The following PRKDC variants were observed in gnomAD, a reference collection of about 807,000 sequenced individuals.
PRKDC encodes the protein DNA-dependent protein kinase catalytic subunit.
A neutral mutation model predicts 486.9 loss-of-function variants in PRKDC; 82 were observed. The observed-to-expected ratio is 0.17, with a 90% confidence interval of 0.14 to 0.20. The LOEUF (loss-of-function observed/expected upper bound fraction) is 0.20. Among genes scored for constraint, PRKDC ranks in the 10% least tolerant of loss-of-function variants. The pLI, the probability that PRKDC is intolerant of heterozygous loss-of-function variation, is 1.00. For synonymous variants in PRKDC, 1,895 were observed against 1,837.0 expected, an observed-to-expected ratio of 1.03 and a Z score of -0.81; for missense variants, 4,504 against 5,038.2, an observed-to-expected ratio of 0.89 and a Z score of 3.21.
At chr8:47,894,985 A>C (rs915926768) in intron 30 of PRKDC, among the ~76,000 whole-genome samples, 3 of 152,154 alleles carry the variant, frequency 2.0e-5, no homozygotes, top group African/African-American at 7.2e-5. Context: ...CTGGGGCAGG[A>C]GGATCACTTA....
chr8:47,950,004 C>T (rs933366313), intron 7 of PRKDC, among the ~76,000 whole-genome samples: 2 of 152,202 alleles, frequency 1.3e-5, no homozygotes, highest in African/African-American at 4.8e-5. Flanking sequence ...GGGGTGGTGG[C>T]TCATGCCTTG....
At chr8:47,887,201 G>A (rs1236989266) in intron 35 of PRKDC, among the ~76,000 whole-genome samples, 3 of 152,082 alleles carry the variant, frequency 2.0e-5, no homozygotes, top group Non-Finnish European at 4.4e-5. Context: ...TTATCCTTCA[G>A]AGGCCCTCCC....
intron 40 of PRKDC, among the ~76,000 whole-genome samples, chr8:47,871,107 A>C (rs2154501015): frequency 6.6e-6 from 1 of 152,344 alleles, no homozygotes; most frequent in East Asian, 1.9e-4. Flanking sequence ...TCAAAAGGGC[A>C]AATCAAAGAC....
In PRKDC at chr8:47,882,711, G is replaced by A. The variant is rs1450927877; in HGVS notation, c.4777-614C>T. 1.3e-4 allele frequency among the ~76,000 whole-genome samples: 20 copies of A among 152,320 alleles called. 1 individual carries two copies. Among genetic ancestry groups the A allele is most frequent in the Middle Eastern group, 6.8e-3 (2 of 294 alleles). Reference sequence around the variant, plus strand: ...CCACCACTCCTGCAACAGAGTGACAGGCTAATTTTGGTCAGATTAACATGC... The same window carrying A: ...CCACCACTCCTGCAACAGAGTGACAAGCTAATTTTGGTCAGATTAACATGC... On this transcript the variant is annotated intron_variant, in intron 36 of 85. Coordinates refer to ENST00000314191, the MANE Select transcript of PRKDC (RefSeq NM_006904.7).
chr8:47,832,890 G>C (rs1015788783), intron 59 of PRKDC, among the ~76,000 whole-genome samples: 19 of 152,218 alleles, frequency 1.2e-4, no homozygotes, highest in Admixed American at 1.0e-3. Flanking sequence ...AGAAGATCCC[G>C]AGAGCATCCA....
chr8:47,782,721 CA>C lies in PRKDC; in HGVS notation c.11176-124del. 9.2e-7 allele frequency: 1 copy of C among 1,082,020 alleles called. No individual in the cohort carries two copies. The highest frequency in any genetic ancestry group is 2.4e-5 in the Admixed American group (1 of 42,302). 67.0% of individuals were successfully genotyped at this position (1,082,020 alleles called of 1,614,324 possible). ...GCCCTCTGAAGACAGTGCCAAAGAG[CA>C]GAGCGCCCAGGCCAGCAACGAATTT... is the stretch of plus-strand genomic sequence containing the variant. On this transcript the variant is annotated intron_variant, in intron 78 of 85. Coordinates refer to ENST00000314191, the MANE Select transcript of PRKDC (RefSeq NM_006904.7). The surrounding 1 kb of genome is among the most constrained non-coding windows in gnomAD (Gnocchi z 4.9).
intron 40 of PRKDC, among the ~76,000 whole-genome samples, chr8:47,873,694 GT>G (rs1412059331): frequency 6.6e-6 from 1 of 152,186 alleles, no homozygotes; most frequent in Non-Finnish European, 1.5e-5. Context: ...ATGAGATACT[GT>G]CATTTGGAAA....
At chr8:47,917,926 C>T (rs1276865253) in intron 22 of PRKDC, among the ~76,000 whole-genome samples, 2 of 152,148 alleles carry the variant, frequency 1.3e-5, no homozygotes, top group African/African-American at 4.8e-5. Context: ...CTCACTACAG[C>T]CTCAACTTCC....
At chr8:47,876,717 C>T (rs2089099379) in intron 40 of PRKDC, among the ~76,000 whole-genome samples, 2 of 151,486 alleles carry the variant, frequency 1.3e-5, no homozygotes, top group South Asian at 2.1e-4. Context: ...TGTATTTTTG[C>T]TAAAATACTA....
chr8:47,959,865 T>C (rs1275667008), intron 1 of PRKDC, 108 bp downstream of exon 1: 2 of 1,460,086 alleles, frequency 1.4e-6, no homozygotes, highest in Admixed American at 4.8e-5. Context: ...CTAATTGCTG[T>C]ACTTCAAAAT....
rs1398727824 is a variant in PRKDC at position 47,866,155 on chromosome 8, G to A, written c.5364-1392C>T. 1.3e-4 allele frequency among the ~76,000 whole-genome samples: 10 copies of A among 75,898 alleles called. 1 individual carries two copies. The highest frequency in any genetic ancestry group is 9.7e-4 in the Admixed American group (5 of 5,134). 49.8% of individuals were successfully genotyped at this position (75,898 alleles called of 152,430 possible). The stretch of plus-strand genomic sequence containing the variant: ...TGGGCAACAATAGAGAAACTCCGTC[G>A]CAAAAAAAAAAAAAAAAAAAAAAAG... On this transcript the variant is annotated intron_variant, in intron 40 of 85. Coordinates refer to ENST00000314191, the MANE Select transcript of PRKDC (RefSeq NM_006904.7).
At position 47,863,426 on chromosome 8, in the gene PRKDC, C is replaced by A. The variant is rs755827857; in HGVS notation, c.5723G>T (p.Gly1908Val). ...QVFHGSCITE[G>V]NELTKTLIKL... ...AATCAATGTCTTTGTAAGTTCATTTCCTTCTGTAATACACGAGCCATGGAA... is the reference window on the plus strand; with the variant it reads ...AATCAATGTCTTTGTAAGTTCATTTACTTCTGTAATACACGAGCCATGGAA... Residue 1908 changes from glycine (G) to valine (V), a missense_variant, in exon 42 of 86, where the codon GGA (glycine) becomes GTA (valine). By Grantham distance (109) the Gly-to-Val change is moderately radical (BLOSUM62 -3). Around this residue, in one of 6 missense-constraint regions of PRKDC, gnomAD observed 80 missense variants for 132.3 expected, o/e 0.60. Transcript: ENST00000314191. The A allele has an allele frequency of 6.2e-7, 1 of 1,607,946 alleles. No individual in the cohort carries two copies. The highest frequency in any genetic ancestry group is 2.2e-5 in the East Asian group (1 of 44,700).
intron 73 of PRKDC, among the ~76,000 whole-genome samples, chr8:47,796,636 G>T (rs1350132973): frequency 6.6e-6 from 1 of 150,802 alleles, no homozygotes; most frequent in Non-Finnish European, 1.5e-5. Context: ...GTCTTGCTCT[G>T]TCGTCTAGGC....
At chr8:47,831,997 T>G (rs2087892005) in intron 59 of PRKDC, 71 bp from the exon 60 acceptor site, 1 of 1,392,620 alleles carries the variant, frequency 7.2e-7, no homozygotes, top group African/African-American at 1.4e-5. Flanking sequence ...CATTTTCACC[T>G]CGGGTTTCCT....
At chr8:47,938,159 C>A (rs2090385533) in intron 11 of PRKDC, among the ~76,000 whole-genome samples, 1 of 151,838 alleles carries the variant, frequency 6.6e-6, no homozygotes. Context: ...GTAATCCCAG[C>A]ACTTTGGGAG....
intron 7 of PRKDC, among the ~76,000 whole-genome samples, chr8:47,946,274 T>C (rs1339508682): frequency 1.3e-5 from 2 of 152,032 alleles, no homozygotes; most frequent in Admixed American, 6.5e-5. Flanking sequence ...GAGGCTGCAG[T>C]GAGCCAAGAT....
At chr8:47,774,503 T>C (rs554344929) in intron 85 of PRKDC, 126 bp from the exon 86 acceptor site, 962 of 928,422 alleles carry the variant, frequency 1.0e-3, no homozygotes, top group Non-Finnish European at 1.5e-3. Context: ...CTGTGGCTTA[T>C]AACCTTGAAG....
rs188599445 is a variant in PRKDC at position 47,783,977 on chromosome 8, G to T, written c.11108-168C>A. 7 of 681,266 alleles carry T rather than the reference G, an allele frequency of 1.0e-5. 1 individual carries two copies. The highest frequency in any genetic ancestry group is 1.8e-5 in the South Asian group (1 of 54,788). The allele number at this position is 681,266 out of a possible 1,614,324, so 42.2% of individuals were successfully genotyped here. ...GACTTTAAAAAAAATGTTATTTCTC[G>T]GCCGGGCACAGTGGCTCACGCCTGT... On this transcript the variant is annotated intron_variant, in intron 77 of 85. Coordinates refer to ENST00000314191, the MANE Select transcript of PRKDC (RefSeq NM_006904.7).
At position 47,864,749 on chromosome 8, in the gene PRKDC, G is replaced by A; in HGVS notation, c.5378C>T (p.Thr1793Ile). The A allele has an allele frequency of 1.9e-6, 3 of 1,593,548 alleles. No homozygotes were observed. The South Asian group carries it at 3.4e-5, about 18-fold the overall frequency. ...CACGCTTTCCAGAAGGCCTACTTGT[G>A]TGACACATGAACCCCTAAGAAAACA... ...RRIARRGSCV[T>I]QVGLLESVYE... The change falls in exon 41 of 86, where the codon ACA becomes ATA. Residue 1793 changes from threonine (T) to isoleucine (I), a missense_variant. Physicochemically the swap from Thr to Ile is moderately conservative, Grantham distance 89. Transcript: ENST00000314191.
Sources: allele counts gnomAD v4.1 joint callset (sites outside exome capture counted in the v4.1 genomes callset), GRCh38; gene constraint gnomAD v4.1.1; regional missense constraint gnomAD v4.1.1; non-coding constraint Gnocchi (gnomAD v3.1); transcripts MANE v1.5; gene names NCBI Gene and HGNC (gene_info 2026-07-23, HGNC 2026-07-21).